Variants in IRF4 observed in about 807,000 individuals in gnomAD.
IRF4 encodes the protein interferon regulatory factor 4, also known as lymphocyte-specific interferon regulatory factor.
In IRF4, 13 loss-of-function variants were observed where a neutral mutation model predicts 55.5. That is an observed-to-expected ratio of 0.23 (90% CI 0.15 to 0.37). The LOEUF (loss-of-function observed/expected upper bound fraction) is 0.37, where lower values mean the gene tolerates loss of function less well. Ranked by LOEUF, IRF4 falls within the 10% of genes least tolerant of loss-of-function variation. The pLI is 1.00. For missense variants in IRF4, 397 were observed against 593.8 expected (o/e 0.67, Z 3.44); for synonymous variants, 249 against 240.7 (o/e 1.03, Z -0.32).
chr6:395,039 C>T (rs747606850), intron 3 of IRF4, 32 bp downstream of exon 3: 2 of 1,506,204 alleles, frequency 1.3e-6, no homozygotes, highest in Admixed American at 2.1e-5. Context: ...GGTCACCTAA[C>T]AGAGGCAGCC....
At chr6:405,225 C>A in intron 8 of IRF4, 95 bp downstream of exon 8, 2 of 720,352 alleles carry the variant, frequency 2.8e-6, no homozygotes, top group African/African-American at 1.8e-5. Context: ...AAGTAAATGT[C>A]AAATGACCTG....
At chr6:395,730 A>C (rs989793001) in intron 3 of IRF4, 117 bp from the exon 4 acceptor site, 12 of 750,174 alleles carry the variant, frequency 1.6e-5, no homozygotes, top group Non-Finnish European at 2.5e-5. Flanking sequence ...TTATTTGTCA[A>C]CACCGTGTTA....
chr6:398,302 G>T (rs567547636), intron 5 of IRF4, among the ~76,000 whole-genome samples: 2 of 152,222 alleles, frequency 1.3e-5, no homozygotes. Flanking sequence ...AGTAAATGAA[G>T]CAGCAGCAAG....
At chr6:392,024 C>G in intron 1 of IRF4, 1 of 352,646 alleles carries the variant, frequency 2.8e-6, no homozygotes, top group Non-Finnish European at 5.7e-6. Flanking sequence ...CTTGGCTCTG[C>G]CCGAGCCTCC....
At chr6:397,427 CA>C in intron 5 of IRF4, 175 bp downstream of exon 5, 1 of 679,280 alleles carries the variant, frequency 1.5e-6, no homozygotes, top group South Asian at 1.9e-5. Context: ...TGGCATCCCA[CA>C]GCCAAGTTTA....
rs1050979 is a variant in IRF4 at position 410,417 on chromosome 6, A to G, written c.*2819A>G. 0.41 allele frequency: 93,040 copies of G among 229,098 alleles called. 22,159 individuals are homozygous for G. The highest frequency in any genetic ancestry group is 0.51 in the Non-Finnish European group (59,112 of 115,360). 14.2% of individuals were successfully genotyped at this position (229,098 alleles called of 1,614,324 possible). A position where few individuals can be genotyped will look rare whatever the true frequency, so the allele number is the denominator to read the frequency against. On this transcript the variant is annotated 3_prime_UTR_variant, in exon 9 of 9. Coordinates refer to ENST00000380956, the MANE Select transcript of IRF4 (RefSeq NM_002460.4). ...AACAGGAGAGTTAGTCGCCCTACAG[A>G]AAACCCAGCTAGACTATTGGGTATG...
At chr6:401,032 T>G (rs777771769) in intron 6 of IRF4, among the ~76,000 whole-genome samples, 4 of 152,180 alleles carry the variant, frequency 2.6e-5, no homozygotes, top group Admixed American at 6.5e-5. Context: ...TCATCATAAT[T>G]CACAAATAAG....
At chr6:404,025 G>A (rs1002437028) in intron 7 of IRF4, among the ~76,000 whole-genome samples, 3 of 152,154 alleles carry the variant, frequency 2.0e-5, no homozygotes, top group African/African-American at 7.2e-5. Context: ...CAGTTGAAGA[G>A]AACAGTGGAG....
rs1761242338 is a variant in IRF4, at chr6:395,950, A to C, written c.492+15A>C. 1 of 1,603,042 alleles carries C rather than the reference A, an allele frequency of 6.2e-7. No homozygotes were observed. ...TCCCAGCCCAGGTATGGTGGAGGGCACTGGGCTCCCTGAGGGCGAGGCTGT... is the reference window on the plus strand; with the variant it reads ...TCCCAGCCCAGGTATGGTGGAGGGCCCTGGGCTCCCTGAGGGCGAGGCTGT... On this transcript the variant is annotated intron_variant, in intron 4 of 8. Coordinates refer to ENST00000380956, the MANE Select transcript of IRF4 (RefSeq NM_002460.4).
Position 398,748 on chromosome 6 carries a change from T to TCA in IRF4, c.638-70_638-69dup, listed in dbSNP as rs1761328621. ...GCGCCAGCCCCTTCCTTCCCAGGCT[T>TCA]CACACACACACCCCAGGAAGCCCCG... On this transcript the variant is annotated intron_variant, in intron 5 of 8. Coordinates refer to ENST00000380956, the MANE Select transcript of IRF4 (RefSeq NM_002460.4). The TCA allele has an allele frequency of 7.1e-6, 7 of 980,096 alleles. No homozygotes were observed. In the East Asian group the frequency reaches 1.0e-4, roughly 15 times the overall value. The allele number at this position is 980,096 out of a possible 1,614,324, so 60.7% of individuals were successfully genotyped here. A position where few individuals can be genotyped will look rare whatever the true frequency, so the allele number is the denominator to read the frequency against.
chr6:402,066 C>T lies in IRF4; in HGVS notation c.1099+289C>T, dbSNP rs892812626. ...GTTCCATTTCATTGCACTATGATCTCGACAAATACGTCTGCTGATGTGGCG... is the reference window on the plus strand; with the variant it reads ...GTTCCATTTCATTGCACTATGATCTTGACAAATACGTCTGCTGATGTGGCG... On this transcript the variant is annotated intron_variant, in intron 7 of 8. Transcript: ENST00000380956. Among the ~76,000 whole-genome samples, 13 of 152,172 alleles carry T rather than the reference C, an allele frequency of 8.5e-5. No homozygotes were observed. The East Asian group carries it at 2.1e-3, about 25-fold the overall frequency.
At chr6:398,651 C>T (rs937484316) in intron 5 of IRF4, among the ~76,000 whole-genome samples, 177 bp from the exon 6 acceptor site, 7 of 152,218 alleles carry the variant, frequency 4.6e-5, no homozygotes, top group African/African-American at 1.7e-4. Flanking sequence ...AGTTGGTCTC[C>T]AGCTCATCTT....
chr6:396,447 G>A (rs1393842818), intron 4 of IRF4, among the ~76,000 whole-genome samples: 2 of 152,208 alleles, frequency 1.3e-5, no homozygotes, highest in Admixed American at 1.3e-4. Flanking sequence ...CTGATGAAGG[G>A]TTCACTCCAG....
chr6:396,138 G>C, intron 4 of IRF4: 1 of 568,106 alleles, frequency 1.8e-6, no homozygotes, highest in South Asian at 2.2e-5. Flanking sequence ...AGTTGGGGAG[G>C]GTCGGGCGTG....
intron 4 of IRF4, among the ~76,000 whole-genome samples, chr6:396,904 G>A (rs940974654): frequency 9.7e-6 from 1 of 103,338 alleles, no homozygotes; most frequent in Non-Finnish European, 1.9e-5. Flanking sequence ...CTTTACCCCC[G>A]TCTCAATGCC....
intron 5 of IRF4, 126 bp from the exon 6 acceptor site, chr6:398,702 A>C (rs1439352173): frequency 3.4e-6 from 2 of 595,460 alleles, no homozygotes; most frequent in African/African-American, 1.8e-5. Flanking sequence ...TGGTGCTGGG[A>C]GTGGGTGGGA....
In IRF4 at chr6:409,495, C is replaced by G. The variant is rs144644488; in HGVS notation, c.*1897C>G. 36 of 214,170 alleles carry G rather than the reference C, an allele frequency of 1.7e-4. No individual in the cohort carries two copies. Among genetic ancestry groups the G allele is most frequent in the South Asian group, 5.6e-4 (3 of 5,360 alleles). 13.3% of individuals were successfully genotyped at this position (214,170 alleles called of 1,614,324 possible). On this transcript the variant is annotated 3_prime_UTR_variant, in exon 9 of 9. Coordinates refer to ENST00000380956, the MANE Select transcript of IRF4 (RefSeq NM_002460.4). ...CTTGCACACACTTTCATGCAGTGCT[C>G]TTTGTAGCTAACAGTGAAGATTTAC...
chr6:404,675 C>T (rs1333886897), intron 7 of IRF4, among the ~76,000 whole-genome samples: 1 of 152,212 alleles, frequency 6.6e-6, no homozygotes, highest in South Asian at 2.1e-4. Context: ...TTTGCCATTG[C>T]GTGACTACGT....
intron 1 of IRF4, among the ~76,000 whole-genome samples, chr6:392,240 A>G (rs752886873): frequency 2.0e-4 from 31 of 152,212 alleles, no homozygotes; most frequent in Non-Finnish European, 3.1e-4. Flanking sequence ...AAGGGGCCCA[A>G]GCTCACGGCG....
Sources: gnomAD v4.1 joint callset for allele counts (sites outside exome capture counted in the v4.1 genomes callset) on GRCh38, gnomAD v4.1.1 for gene constraint, MANE v1.5 for transcripts, NCBI Gene and HGNC (gene_info 2026-07-23, HGNC 2026-07-21) for gene names.